Variants in ADAMTSL2 observed in about 807,000 individuals in gnomAD.
ADAMTSL2 encodes ADAMTS-like protein 2.
In ADAMTSL2, 55 loss-of-function variants were observed where a neutral mutation model predicts 117.0. That is an observed-to-expected ratio of 0.47 (90% CI 0.38 to 0.59). The LOEUF (loss-of-function observed/expected upper bound fraction) is 0.59, where lower values mean the gene tolerates loss of function less well. Ranked by LOEUF, ADAMTSL2 falls within the 20% of genes least tolerant of loss-of-function variation. The pLI is 0.00. For synonymous variants in ADAMTSL2, 572 were observed against 566.4 expected, an observed-to-expected ratio of 1.01 and a Z score of -0.14; for missense variants, 1,182 against 1,354.5, an observed-to-expected ratio of 0.87 and a Z score of 2.00.
chr9:133,537,699 G>T, intron 3 of ADAMTSL2, 152 bp downstream of exon 3: 2 of 919,098 alleles, frequency 2.2e-6, no homozygotes, highest in Non-Finnish European at 2.9e-6. Flanking sequence ...ATCAGCCTCT[G>T]CTGGACGCGG....
In ADAMTSL2 at chr9:133,540,759, A is replaced by G. The variant is rs775217288; in HGVS notation, c.558+16A>G. On this transcript the variant is annotated intron_variant, in intron 6 of 18. Coordinates refer to ENST00000651351, the MANE Select transcript of ADAMTSL2 (RefSeq NM_014694.4). Reference sequence around the variant, plus strand: ...AAAATGTGAGGTTGTTAAACGTTGTAGCAAAAGTACCGCCGGTCTCACTGT... The same window carrying G: ...AAAATGTGAGGTTGTTAAACGTTGTGGCAAAAGTACCGCCGGTCTCACTGT... 1.9e-6 allele frequency: 3 copies of G among 1,613,748 alleles called. No individual in the cohort carries two copies. The South Asian group carries it at 3.3e-5, about 18-fold the overall frequency.
rs372783597 is a variant in ADAMTSL2, at chr9:133,540,626, G to T, written c.441G>T (p.Pro147=). 1.2e-6 allele frequency: 2 copies of T among 1,613,630 alleles called. No individual in the cohort carries two copies. The highest frequency in any genetic ancestry group is 8.5e-7 in the Non-Finnish European group (1 of 1,180,028). The change falls in exon 6 of 19, where the codon CCG becomes CCT. Residue 147 remains proline (P), a synonymous_variant. Transcript: ENST00000651351. ...ACTATGTCCACATCTCCAGCAAACC[G>T]TGTGACCTGCACTGTACCACCGTGG... ...PDDYVHISSK[P]CDLHCTTVDG...
chr9:133,554,260 G>A lies in ADAMTSL2; in HGVS notation c.940-97G>A, dbSNP rs1052225145. 1.1e-5 allele frequency: 13 copies of A among 1,150,282 alleles called. No homozygotes were observed. The highest frequency in any genetic ancestry group is 1.6e-5 in the Non-Finnish European group (13 of 821,174). 71.3% of individuals were successfully genotyped at this position (1,150,282 alleles called of 1,614,324 possible). On this transcript the variant is annotated intron_variant, in intron 9 of 18. Transcript: ENST00000651351. This position sits in a 1 kb window ranked among gnomAD's most constrained non-coding sequence, Gnocchi z 5.2. ...TGAGGGGGCTCAACTGCCAGTCACAGCAGGGAACGCACCCTGCAGCTCTGT... is the reference window on the plus strand; with the variant it reads ...TGAGGGGGCTCAACTGCCAGTCACAACAGGGAACGCACCCTGCAGCTCTGT...
intron 11 of ADAMTSL2, among the ~76,000 whole-genome samples, chr9:133,556,577 G>A (rs1830609611): frequency 6.6e-6 from 1 of 152,236 alleles, no homozygotes; most frequent in East Asian, 1.9e-4. Context: ...GGCTGGCATT[G>A]CAGCTGGCAA....
intron 13 of ADAMTSL2, 45 bp from the exon 14 acceptor site, chr9:133,568,228 G>A: frequency 2.6e-6 from 4 of 1,535,318 alleles, no homozygotes; most frequent in Non-Finnish European, 3.5e-6. Context: ...TGGGGTCCCG[G>A]CTGCCATGGG....
intron 12 of ADAMTSL2, among the ~76,000 whole-genome samples, chr9:133,562,416 C>T (rs1462887772): frequency 6.6e-6 from 1 of 151,952 alleles, no homozygotes; most frequent in Admixed American, 6.6e-5. Flanking sequence ...AAAGCAAGTG[C>T]TGTGGGCGGC....
Position 133,538,368 on chromosome 9 carries a change from C to T in ADAMTSL2, c.253C>T (p.Pro85Ser). The T allele has an allele frequency of 6.2e-7, 1 of 1,613,366 alleles. No individual in the cohort carries two copies. Among genetic ancestry groups the T allele is most frequent in the African/African-American group, 1.3e-5 (1 of 75,068 alleles). The change falls in exon 4 of 19, where the codon CCC becomes TCC. Residue 85 changes from proline to serine, a missense_variant. Pro to Ser is a moderately conservative substitution (Grantham distance 74). Around this residue, in one of 3 missense-constraint regions of ADAMTSL2, gnomAD observed 372 missense variants for 463.4 expected, o/e 0.80. Transcript: ENST00000651351. ...LQQRRKSVPG[P>S]GNRTCTGTSK... Reference sequence around the variant, plus strand: ...TGCCAGGAGGAAGTCCGTCCCGGGCCCCGGGAACAGGACCTGCACGGGCAC... The same window carrying T: ...TGCCAGGAGGAAGTCCGTCCCGGGCTCCGGGAACAGGACCTGCACGGGCAC...
At position 133,570,490 on chromosome 9, in the gene ADAMTSL2, A is replaced by G. The variant is rs1437957612; in HGVS notation, c.2575A>G (p.Thr859Ala). The G allele has an allele frequency of 6.2e-7, 1 of 1,611,262 alleles. No individual in the cohort carries two copies. The change falls in exon 17 of 19, where the codon ACC becomes GCC. Residue 859 changes from threonine to alanine, a missense_variant. Coordinates refer to ENST00000651351, the MANE Select transcript of ADAMTSL2 (RefSeq NM_014694.4). ...CGAGAGGCCCTGCTTCAAGTGGTAC[A>G]CCAGCCCCTGGTCAGAGGTGAGCTC... ...CFERPCFKWYTSPWSECTKTC... is the reference protein window; with the variant it reads ...CFERPCFKWYASPWSECTKTC...
chr9:133,571,677 C>T (rs1356758078), intron 17 of ADAMTSL2, among the ~76,000 whole-genome samples: 1 of 152,196 alleles, frequency 6.6e-6, no homozygotes, highest in Admixed American at 6.5e-5. Flanking sequence ...CCATCCGTGC[C>T]CCTTTCACAG....
In ADAMTSL2 at chr9:133,555,788, G is replaced by T. The variant is rs369006687; in HGVS notation, c.1507G>T (p.Glu503Ter). The change falls in exon 11 of 19, where the codon GAG becomes TAG. Residue 503 changes from glutamate to a stop codon, truncating the protein, a stop_gained. Transcript: ENST00000651351. LOFTEE classifies it high-confidence loss of function. ...CTTCTTCGTGGATTATGAGGAGAAC[G>T]AGGGGGCTGGCCCTTACCTGCTCAA... is the stretch of plus-strand genomic sequence containing the variant. ...ESFFVDYEEN[E>*]GAGPYLLNGS... 1 of 1,613,904 alleles carries T rather than the reference G, an allele frequency of 6.2e-7. No homozygotes were observed. Among genetic ancestry groups the T allele is most frequent in the Non-Finnish European group, 8.5e-7 (1 of 1,180,058 alleles).
chr9:133,572,628 A>AGCCATG, intron 17 of ADAMTSL2, among the ~76,000 whole-genome samples: 1 of 151,078 alleles, frequency 6.6e-6, no homozygotes, highest in East Asian at 2.0e-4. Context: ...GCACGGGGGG[A>AGCCATG]GCCATGAAGC....
intron 17 of ADAMTSL2, among the ~76,000 whole-genome samples, chr9:133,572,267 G>A (rs1831125787): frequency 6.7e-6 from 1 of 150,166 alleles, no homozygotes; most frequent in African/African-American, 2.5e-5. Context: ...CTCATTCCCT[G>A]TTGCCCACCA....
At chr9:133,544,129 C>T (rs1830291787) in intron 7 of ADAMTSL2, among the ~76,000 whole-genome samples, 1 of 152,252 alleles carries the variant, frequency 6.6e-6, no homozygotes, top group Non-Finnish European at 1.5e-5. Flanking sequence ...GCTCCATCGG[C>T]TGCCCAGGGT....
At position 133,539,831 on chromosome 9, in the gene ADAMTSL2, G is replaced by C. The variant is rs372221527; in HGVS notation, c.370G>C (p.Val124Leu). 2.6e-6 allele frequency: 4 copies of C among 1,551,076 alleles called. No homozygotes were observed. The highest frequency in any genetic ancestry group is 4.9e-5 in the East Asian group (2 of 40,930). The change falls in exon 5 of 19, where the codon GTG (valine) becomes CTG (leucine). Residue 124 changes from valine to leucine, a missense_variant. Physicochemically the swap from Val to Leu is conservative, Grantham distance 32. Coordinates refer to ENST00000651351, the MANE Select transcript of ADAMTSL2 (RefSeq NM_014694.4). The stretch of plus-strand genomic sequence containing the variant: ...GCAGTGCGTCTCCTTCAACTCCCAC[G>C]TGTACAACGGGCGGACGCACCAGTG... ...EEQCVSFNSH[V>L]YNGRTHQWKP...
intron 12 of ADAMTSL2, among the ~76,000 whole-genome samples, chr9:133,566,380 G>A (rs1830973707): frequency 6.6e-6 from 1 of 152,196 alleles, no homozygotes; most frequent in Non-Finnish European, 1.5e-5. Context: ...GGGGGAGGTT[G>A]CAGTGAGCTG....
chr9:133,540,911 C>A lies in ADAMTSL2; in HGVS notation c.592C>A (p.His198Asn). 1 of 1,613,472 alleles carries A rather than the reference C, an allele frequency of 6.2e-7. No homozygotes were observed. Among genetic ancestry groups the A allele is most frequent in the South Asian group, 1.1e-5 (1 of 91,084 alleles). ...CTGTGACGGGGTGCTTTTCTCCACC[C>A]ACACACTGGACAAGTGTGGCATCTG... ...IGCDGVLFST[H>N]TLDKCGICQG... Residue 198 changes from histidine to asparagine, a missense_variant, in exon 7 of 19, where the codon CAC becomes AAC. Physicochemically the swap from His to Asn is moderately conservative, Grantham distance 68. Around this residue, in one of 3 missense-constraint regions of ADAMTSL2, gnomAD observed 372 missense variants for 463.4 expected, o/e 0.80. Coordinates refer to ENST00000651351, the MANE Select transcript of ADAMTSL2 (RefSeq NM_014694.4).
At chr9:133,539,671 C>CCGGCTGTCCCGGCTGTCA in intron 4 of ADAMTSL2, 100 bp from the exon 5 acceptor site, 2 of 1,243,086 alleles carry the variant, frequency 1.6e-6, no homozygotes, top group Non-Finnish European at 2.3e-6. Flanking sequence ...CCCGGCTGTC[C>CCGGCTGTCCCGGCTGTCA]CGGCTGTCCC....
At chr9:133,559,383 T>C (rs1830676708) in intron 11 of ADAMTSL2, among the ~76,000 whole-genome samples, 1 of 137,934 alleles carries the variant, frequency 7.2e-6, no homozygotes, top group African/African-American at 2.7e-5. Context: ...GGAGTCACTC[T>C]GTTGCTCAGG....
Position 133,555,934 on chromosome 9 carries a change from G to C in ADAMTSL2, c.1649+4G>C. ...GGAACAGGACTCACAAGGCCAGGTA[G>C]GAGGCACTTTCCTGAGCCCTGTCCA... On this transcript the variant is annotated splice_donor_region_variant and intron_variant, in intron 11 of 18. Coordinates refer to ENST00000651351, the MANE Select transcript of ADAMTSL2 (RefSeq NM_014694.4). The C allele has an allele frequency of 6.2e-7, 1 of 1,610,204 alleles. No homozygotes were observed. Among genetic ancestry groups the C allele is most frequent in the Non-Finnish European group, 8.5e-7 (1 of 1,179,758 alleles).
Sources: gnomAD v4.1 joint callset for allele counts (sites outside exome capture counted in the v4.1 genomes callset) on GRCh38, gnomAD v4.1.1 for gene constraint, gnomAD v4.1.1 regional missense constraint, Gnocchi (gnomAD v3.1) non-coding constraint, MANE v1.5 for transcripts, NCBI Gene and HGNC (gene_info 2026-07-23, HGNC 2026-07-21) for gene names.